Variants in PAX2 observed in about 807,000 individuals in gnomAD.
The protein encoded by PAX2 is paired box protein Pax-2.
In PAX2, 9 loss-of-function variants were observed where a neutral mutation model predicts 41.7. The ratio of observed to expected loss-of-function variants is 0.22; its 90% CI spans 0.13 to 0.38. PAX2 has a LOEUF of 0.38. Ranked by LOEUF, PAX2 falls within the 10% of genes least tolerant of loss-of-function variation. The pLI is 1.00. For synonymous variants in PAX2, 221 were observed against 212.7 expected (o/e 1.04, Z -0.34); for missense variants, 418 against 531.6 (o/e 0.79, Z 2.10).
At chr10:100,804,974 T>TC (rs1847708358) in intron 5 of PAX2, among the ~76,000 whole-genome samples, 1 of 151,134 alleles carries the variant, frequency 6.6e-6, no homozygotes, top group Non-Finnish European at 1.5e-5. Flanking sequence ...TTTCTCTCTC[T>TC]CCTTCTCTCT....
intron 1 of PAX2, among the ~76,000 whole-genome samples, chr10:100,740,254 G>A (rs1428850248): frequency 1.3e-5 from 2 of 152,130 alleles, no homozygotes; most frequent in Non-Finnish European, 2.9e-5. Flanking sequence ...CAATTAACCC[G>A]GCTGTTGGTG....
At chr10:100,794,187 A>G (rs1256536951) in intron 5 of PAX2, among the ~76,000 whole-genome samples, 1 of 152,210 alleles carries the variant, frequency 6.6e-6, no homozygotes, top group Admixed American at 6.5e-5. Context: ...CTGCCTGGAC[A>G]TATGTCAGAG....
At position 100,827,191 on chromosome 10, in the gene PAX2, C is replaced by T. The variant is rs1024927171; in HGVS notation, c.1108+96C>T. 3.0e-5 allele frequency: 30 copies of T among 1,005,294 alleles called. No individual in the cohort carries two copies. Among genetic ancestry groups the T allele is most frequent in the Non-Finnish European group, 4.4e-5 (28 of 643,414 alleles). The allele number at this position is 1,005,294 out of a possible 1,614,324, so 62.3% of individuals were successfully genotyped here. A position where few individuals can be genotyped will look rare whatever the true frequency, so the allele number is the denominator to read the frequency against. ...GCGACCCGACCTCTGGGGACCCGGC[C>T]GGGCCAGGGGGACAGGCTTGTTAGT... On this transcript the variant is annotated intron_variant, in intron 9 of 9. Coordinates refer to ENST00000355243, the MANE Select transcript of PAX2 (RefSeq NM_000278.5). The surrounding 1 kb of genome is among the most constrained non-coding windows in gnomAD (Gnocchi z 8.5).
At chr10:100,817,423 TAGA>T (rs1848226630) in intron 7 of PAX2, among the ~76,000 whole-genome samples, 1 of 152,132 alleles carries the variant, frequency 6.6e-6, no homozygotes, top group South Asian at 2.1e-4. Context: ...CCAGCTGAAT[TAGA>T]AGGAAACCAC....
chr10:100,828,822 GAACAA>G lies in PAX2; in HGVS notation c.*1209_*1213del, dbSNP rs71013469. 0.14 allele frequency: 32,628 copies of G among 232,464 alleles called. 2,983 individuals are homozygous for G. Among genetic ancestry groups the G allele is most frequent in the Middle Eastern group, 0.27 (208 of 774 alleles). 14.4% of individuals were successfully genotyped at this position (232,464 alleles called of 1,614,324 possible). On this transcript the variant is annotated 3_prime_UTR_variant, in exon 10 of 10. Transcript: ENST00000355243. The surrounding 1 kb of genome is among the most constrained non-coding windows in gnomAD (Gnocchi z 6.5). ...TTAATATGATGGTCTTTGCAAAAAG[GAACAA>G]AACAACACAAAAGCCCACCAGGCTG...
intron 3 of PAX2, among the ~76,000 whole-genome samples, chr10:100,762,335 A>C (rs545922876): frequency 6.6e-6 from 1 of 152,268 alleles, no homozygotes; most frequent in African/African-American, 2.4e-5. Flanking sequence ...AGTGGCATTG[A>C]CATGGGGCAG....
In PAX2 at chr10:100,745,864, C is replaced by G. The variant is rs1845143206; in HGVS notation, c.-397C>G. The G allele has an allele frequency of 1.8e-6, 2 of 1,101,562 alleles. No individual in the cohort carries two copies. The highest frequency in any genetic ancestry group is 1.6e-5 in the African/African-American group (1 of 60,738). The allele number at this position is 1,101,562 out of a possible 1,614,324, so 68.2% of individuals were successfully genotyped here. A position where few individuals can be genotyped will look rare whatever the true frequency, so the allele number is the denominator to read the frequency against. On this transcript the variant is annotated 5_prime_UTR_variant, in exon 1 of 10. Transcript: ENST00000355243. Reference sequence around the variant, plus strand: ...TGACCGCCCCCGCCCCGCGCGCTCTCCGACCACCGCCTCTCGGATGACCAG... The same window carrying G: ...TGACCGCCCCCGCCCCGCGCGCTCTGCGACCACCGCCTCTCGGATGACCAG...
intron 1 of PAX2, among the ~76,000 whole-genome samples, chr10:100,738,421 T>A (rs1844844741): frequency 6.6e-6 from 1 of 152,070 alleles, no homozygotes; most frequent in Admixed American, 6.5e-5. Flanking sequence ...GGTCCCCAGC[T>A]CCCATCTCAG....
intron 7 of PAX2, among the ~76,000 whole-genome samples, chr10:100,813,339 A>G (rs918742095): frequency 1.3e-5 from 2 of 152,252 alleles, no homozygotes; most frequent in Non-Finnish European, 2.9e-5. Flanking sequence ...CTACCTCACC[A>G]AAACATAACT....
At chr10:100,743,939 A>C (rs568410456), upstream of PAX2, among the ~76,000 whole-genome samples, 1 of 152,312 alleles carries the variant, frequency 6.6e-6, no homozygotes, top group South Asian at 2.1e-4. Context: ...CAGGTGGATT[A>C]AGCTTATTGG....
chr10:100,746,388 C>A, intron 1 of PAX2, 85 bp downstream of exon 1: 2 of 929,232 alleles, frequency 2.2e-6, no homozygotes, highest in Non-Finnish European at 3.6e-6. Flanking sequence ...CGGCCCCTCG[C>A]GCTCAGGTCC....
At chr10:100,786,872 C>A in intron 5 of PAX2, 1 of 927,954 alleles carries the variant, frequency 1.1e-6, no homozygotes, top group Non-Finnish European at 1.6e-6. Context: ...ATCTTGGGAT[C>A]CTGCCCCCAA....
intron 4 of PAX2, among the ~76,000 whole-genome samples, chr10:100,780,248 G>T (rs879790383): frequency 3.3e-5 from 5 of 151,992 alleles, no homozygotes; most frequent in Admixed American, 3.3e-4. Flanking sequence ...CATGCTTAGG[G>T]CCTCTCAAAG....
At chr10:100,755,244 C>T (rs146218760) in intron 3 of PAX2, among the ~76,000 whole-genome samples, 51 of 152,312 alleles carry the variant, frequency 3.3e-4, no homozygotes, top group African/African-American at 1.2e-3. Flanking sequence ...GCCCACAGTC[C>T]TGTTGGTCTG....
At chr10:100,788,564 G>T (rs1037073116) in intron 5 of PAX2, among the ~76,000 whole-genome samples, 6 of 152,228 alleles carry the variant, frequency 3.9e-5, no homozygotes, top group African/African-American at 1.4e-4. Context: ...CTGAGTGAGG[G>T]CTGGGTATGG....
intron 7 of PAX2, among the ~76,000 whole-genome samples, chr10:100,810,986 C>T (rs1043008444): frequency 8.8e-4 from 134 of 152,196 alleles, no homozygotes; most frequent in African/African-American, 2.9e-3. Flanking sequence ...CAAGTTAGCA[C>T]TAACATCTCA....
At chr10:100,740,974 G>A (rs1447131740), upstream of PAX2, among the ~76,000 whole-genome samples, 2 of 152,248 alleles carry the variant, frequency 1.3e-5, no homozygotes, top group African/African-American at 4.8e-5. Flanking sequence ...GTGGCCCATG[G>A]GCGGTAGCCA....
chr10:100,762,562 G>GT (rs1189027916), intron 3 of PAX2, among the ~76,000 whole-genome samples: 1 of 152,154 alleles, frequency 6.6e-6, no homozygotes, highest in Non-Finnish European at 1.5e-5. Context: ...CATAAATTAA[G>GT]TCGAGGGGAG....
intron 6 of PAX2, among the ~76,000 whole-genome samples, chr10:100,808,885 C>T (rs1222347130): frequency 6.6e-6 from 1 of 152,186 alleles, no homozygotes. Context: ...GCATTAAGTG[C>T]CCAAAATGTG....
Sources: allele counts gnomAD v4.1 joint callset (sites outside exome capture counted in the v4.1 genomes callset), GRCh38; gene constraint gnomAD v4.1.1; non-coding constraint Gnocchi (gnomAD v3.1); transcripts MANE v1.5; gene names NCBI Gene and HGNC (gene_info 2026-07-23, HGNC 2026-07-21).